Variants in FSHR observed in about 807,000 individuals in gnomAD.
The protein encoded by FSHR is follicle stimulating hormone receptor.
Under a neutral mutation model 52.1 loss-of-function variants are expected in FSHR, and 46 were observed. The ratio of observed to expected loss-of-function variants is 0.88; its 90% CI spans 0.70 to 1.13. The LOEUF (loss-of-function observed/expected upper bound fraction) is 1.13, where lower values mean the gene tolerates loss of function less well. FSHR is among the 50% of genes most tolerant of loss of function. The pLI, the probability that FSHR is intolerant of heterozygous loss-of-function variation, is 0.00. For missense variants in FSHR, 964 were observed against 834.6 expected, an observed-to-expected ratio of 1.16 and a Z score of -1.91; for synonymous variants, 399 against 309.6, an observed-to-expected ratio of 1.29 and a Z score of -3.03.
intron 4 of FSHR, among the ~76,000 whole-genome samples, chr2:48,998,170 TTTTC>T (rs908000114): frequency 7.2e-5 from 11 of 152,110 alleles, no homozygotes; most frequent in Non-Finnish European, 1.0e-4. Flanking sequence ...TTTGTTGAGT[TTTTC>T]TTTGACAAAT....
chr2:49,036,439 A>C (rs539271899), intron 2 of FSHR, among the ~76,000 whole-genome samples: 1 of 151,688 alleles, frequency 6.6e-6, no homozygotes, highest in East Asian at 1.9e-4. Flanking sequence ...TTTATATATA[A>C]ATTAAAAAAT....
Position 49,154,285 on chromosome 2 carries a change from G to A in FSHR, c.133C>T (p.Pro45Ser), listed in dbSNP as rs1463482771. The A allele has an allele frequency of 1.9e-6, 3 of 1,613,870 alleles. No homozygotes were observed. The highest frequency in any genetic ancestry group is 2.5e-6 in the Non-Finnish European group (3 of 1,179,888). ...ACTCACAGTTCAATGGCATTCCTCG[G>A]GAGGTCAGAAGGAATCTCTGTCACC... is the stretch of plus-strand genomic sequence containing the variant. Reference protein sequence around the residue: ...SKVTEIPSDLPRNAIELRFVL... With the variant: ...SKVTEIPSDLSRNAIELRFVL... Residue 45 changes from proline (P) to serine (S), a missense_variant, in exon 1 of 10, where the codon CCG becomes TCG. Pro to Ser is a moderately conservative substitution (Grantham distance 74). Coordinates refer to ENST00000406846, the MANE Select transcript of FSHR (RefSeq NM_000145.4).
At chr2:49,140,405 G>T (rs13431289) in intron 1 of FSHR, among the ~76,000 whole-genome samples, 46,312 of 151,876 alleles carry the variant, frequency 0.3, 7,370 homozygotes, top group East Asian at 0.47. Context: ...GCTCCCTGAG[G>T]TCTCCCCAGA....
At chr2:49,024,908 C>T (rs1667867919) in intron 2 of FSHR, among the ~76,000 whole-genome samples, 1 of 152,208 alleles carries the variant, frequency 6.6e-6, no homozygotes, top group Non-Finnish European at 1.5e-5. Flanking sequence ...CCCTCTGTTA[C>T]TGCCCCTTGC....
intron 1 of FSHR, among the ~76,000 whole-genome samples, chr2:49,153,674 G>A (rs183778154): frequency 1.3e-5 from 2 of 152,192 alleles, no homozygotes; most frequent in African/African-American, 4.8e-5. Flanking sequence ...TTCCAGTTGT[G>A]TAAAAGATTA....
intron 9 of FSHR, among the ~76,000 whole-genome samples, chr2:48,964,515 A>G (rs1425061030): frequency 6.6e-6 from 1 of 152,172 alleles, no homozygotes; most frequent in African/African-American, 2.4e-5. Context: ...TTAGGAGGCC[A>G]GCTAATTTGC....
At chr2:49,063,922 TA>T (rs1302916068) in intron 2 of FSHR, among the ~76,000 whole-genome samples, 2 of 152,158 alleles carry the variant, frequency 1.3e-5, no homozygotes, top group African/African-American at 4.8e-5. Context: ...TGTATCAAAA[TA>T]GTACACTATA....
chr2:49,000,239 G>T (rs1275855858), intron 4 of FSHR, among the ~76,000 whole-genome samples: 1 of 152,116 alleles, frequency 6.6e-6, no homozygotes, highest in African/African-American at 2.4e-5. Context: ...AATGATATCA[G>T]TCTCAAGGTC....
intron 2 of FSHR, among the ~76,000 whole-genome samples, chr2:49,063,167 G>A (rs1212478098): frequency 1.3e-5 from 2 of 152,128 alleles, no homozygotes; most frequent in African/African-American, 4.8e-5. Context: ...ATTAATTTAA[G>A]TGTGGGAGGA....
At chr2:49,100,170 C>T (rs979085304) in intron 1 of FSHR, among the ~76,000 whole-genome samples, 10 of 152,104 alleles carry the variant, frequency 6.6e-5, no homozygotes, top group Non-Finnish European at 1.3e-4. Flanking sequence ...GCACAGAGCA[C>T]TGAAATGACT....
At position 49,068,170 on chromosome 2, in the gene FSHR, C is replaced by T. The variant is rs540269102; in HGVS notation, c.224+49G>A. 6.9e-6 allele frequency: 10 copies of T among 1,449,478 alleles called. No individual in the cohort carries two copies. The African/African-American group carries it at 8.6e-5, about 12-fold the overall frequency. The allele number at this position is 1,449,478 out of a possible 1,614,324, so 89.8% of individuals were successfully genotyped here. ...ATACTAGATGTGGTCTGAGGTTGCT[C>T]CCTATAGCCCCCTTGAGGCATTCAC... On this transcript the variant is annotated intron_variant, in intron 2 of 9. Coordinates refer to ENST00000406846, the MANE Select transcript of FSHR (RefSeq NM_000145.4).
intron 4 of FSHR, among the ~76,000 whole-genome samples, chr2:49,013,426 T>G (rs562060872): frequency 4.6e-4 from 66 of 142,554 alleles, no homozygotes; most frequent in African/African-American, 1.7e-3. Context: ...GGAAAATATT[T>G]CAAAGAGCTA....
chr2:48,999,735 G>A (rs1387149299), intron 4 of FSHR, among the ~76,000 whole-genome samples: 1 of 152,090 alleles, frequency 6.6e-6, no homozygotes, highest in Admixed American at 6.6e-5. Flanking sequence ...GGTTAATTAA[G>A]CAGCTTGTTT....
intron 8 of FSHR, 88 bp from the exon 9 acceptor site, chr2:48,968,971 A>G (rs1218787696): frequency 8.6e-7 from 1 of 1,161,530 alleles, no homozygotes; most frequent in Non-Finnish European, 1.3e-6. Context: ...CAGACACACT[A>G]GTGATATTCT....
At chr2:49,029,983 G>T (rs1668042907) in intron 2 of FSHR, among the ~76,000 whole-genome samples, 1 of 152,198 alleles carries the variant, frequency 6.6e-6, no homozygotes, top group African/African-American at 2.4e-5. Flanking sequence ...CTAGGGTGAG[G>T]CGGGGCTCCA....
chr2:48,998,376 T>A (rs1010720785), intron 4 of FSHR, among the ~76,000 whole-genome samples: 2 of 152,132 alleles, frequency 1.3e-5, no homozygotes, highest in African/African-American at 4.8e-5. Flanking sequence ...ATGTATGTCA[T>A]TATATATGAA....
At chr2:49,021,880 TATATATAG>T (rs1417814703) in intron 2 of FSHR, among the ~76,000 whole-genome samples, 2 of 51,300 alleles carry the variant, frequency 3.9e-5, no homozygotes, top group Non-Finnish European at 3.9e-5. Flanking sequence ...TATATATATA[TATATATAG>T]AGAGAGAGAG....
intron 2 of FSHR, among the ~76,000 whole-genome samples, chr2:49,037,073 TGA>T (rs1558404011): frequency 6.6e-6 from 1 of 152,192 alleles, no homozygotes; most frequent in Non-Finnish European, 1.5e-5. Flanking sequence ...GAATTAGAGA[TGA>T]ACTACTTGCA....
chr2:49,048,634 C>G (rs2104297088), intron 2 of FSHR, among the ~76,000 whole-genome samples: 1 of 152,314 alleles, frequency 6.6e-6, no homozygotes, highest in South Asian at 2.1e-4. Context: ...ATCTCTCTGC[C>G]CAGACTCTCT....
Sources: gnomAD v4.1 joint callset for allele counts (sites outside exome capture counted in the v4.1 genomes callset) on GRCh38, gnomAD v4.1.1 for gene constraint, MANE v1.5 for transcripts, NCBI Gene and HGNC (gene_info 2026-07-23, HGNC 2026-07-21) for gene names.